The following PLEKHG7 variants were observed in gnomAD, a reference collection of about 807,000 sequenced individuals.
PLEKHG7 encodes pleckstrin homology domain-containing family G member 7.
PLEKHG7 carries 77 observed loss-of-function variants against 85.2 expected under a neutral mutation model. That is an observed-to-expected ratio of 0.90 (90% CI 0.75 to 1.09). The LOEUF is 1.09. Ranked by LOEUF, PLEKHG7 falls within the 50% of genes least tolerant of loss-of-function variation. The pLI, the probability that PLEKHG7 is intolerant of heterozygous loss-of-function variation, is 0.00. For missense variants in PLEKHG7, 777 were observed against 804.3 expected (o/e 0.97, Z 0.41); for synonymous variants, 301 against 302.4 (o/e 1.00, Z 0.05).
intron 3 of PLEKHG7, among the ~76,000 whole-genome samples, chr12:92,710,134 T>C (rs1283524159): frequency 6.6e-6 from 1 of 152,168 alleles, no homozygotes; most frequent in Non-Finnish European, 1.5e-5. Flanking sequence ...GGGGTGATGA[T>C]GAGTAGTGCC....
At chr12:92,752,320 A>G (rs1027748443) in intron 10 of PLEKHG7, among the ~76,000 whole-genome samples, 5 of 152,198 alleles carry the variant, frequency 3.3e-5, no homozygotes, top group Admixed American at 6.5e-5. Flanking sequence ...GAGGGGGTTT[A>G]CAGCAGAAAC....
At chr12:92,727,081 A>C (rs1871837490) in intron 3 of PLEKHG7, among the ~76,000 whole-genome samples, 1 of 152,154 alleles carries the variant, frequency 6.6e-6, no homozygotes, top group Non-Finnish European at 1.5e-5. Flanking sequence ...ATAAACAGCA[A>C]GTAAGGCTGG....
At chr12:92,710,608 T>C (rs1298713937) in intron 3 of PLEKHG7, among the ~76,000 whole-genome samples, 1 of 152,214 alleles carries the variant, frequency 6.6e-6, no homozygotes. Flanking sequence ...AAGTTCAGTA[T>C]AATCAACCTG....
At chr12:92,727,430 C>G (rs1389020339) in intron 3 of PLEKHG7, among the ~76,000 whole-genome samples, 1 of 152,092 alleles carries the variant, frequency 6.6e-6, no homozygotes, top group South Asian at 2.1e-4. Context: ...CCCCTCCCCA[C>G]TTTTGGAGTC....
At chr12:92,720,139 T>C (rs1392022947) in intron 3 of PLEKHG7, among the ~76,000 whole-genome samples, 2 of 152,158 alleles carry the variant, frequency 1.3e-5, no homozygotes, top group Non-Finnish European at 2.9e-5. Context: ...CTTTCCATTC[T>C]GGAAATCAGA....
Position 92,769,709 on chromosome 12 carries a change from T to G in PLEKHG7, c.1969-379T>G, listed in dbSNP as rs903088635. 2.0e-5 allele frequency among the ~76,000 whole-genome samples: 3 copies of G among 152,234 alleles called. 1 individual carries two copies. Among genetic ancestry groups the G allele is most frequent in the Admixed American group, 1.3e-4 (2 of 15,286 alleles). Reference sequence around the variant, plus strand: ...ATTTCCTGGGTCACTGCCCTCAGTCTCTTTCAAGTTATACTACAGGTTAAG... The same window carrying G: ...ATTTCCTGGGTCACTGCCCTCAGTCGCTTTCAAGTTATACTACAGGTTAAG... On this transcript the variant is annotated intron_variant, in intron 16 of 16. Transcript: ENST00000344636.
chr12:92,707,271 C>T (rs1871264952), intron 2 of PLEKHG7, 133 bp downstream of exon 2: 12 of 1,440,336 alleles, frequency 8.3e-6, no homozygotes, highest in Non-Finnish European at 1.1e-5. Context: ...ACTGAGGGGA[C>T]ACATTCTCTT....
At position 92,747,930 on chromosome 12, in the gene PLEKHG7, G is replaced by T. The variant is rs118022344; in HGVS notation, c.1251+2339G>T. Among the ~76,000 whole-genome samples the T allele has an allele frequency of 9.4e-4, 143 of 152,304 alleles. 4 individuals carry two copies. The East Asian group carries it at 0.025, about 26-fold the overall frequency. On this transcript the variant is annotated intron_variant, in intron 10 of 16. Coordinates refer to ENST00000344636, the MANE Select transcript of PLEKHG7 (RefSeq NM_001377329.1). ...GGGATGAAGAGAGGTCGGTTGATGG[G>T]TGCAAACATACAGTTATAGAAGGAG...
Position 92,707,671 on chromosome 12 carries a change from A to G in PLEKHG7, c.529A>G (p.Arg177Gly), listed in dbSNP as rs934205015. Reference protein sequence around the residue: ...SPQGEELHPSRFYEHRRSSVV... With the variant: ...SPQGEELHPSGFYEHRRSSVV... ...TCAGGGAGAAGAATTGCACCCATCC[A>G]GGTGTGTATGCATTTATTTTCTCCG... The change falls in exon 3 of 17, where the codon AGG becomes GGG. Residue 177 changes from arginine to glycine, a missense_variant and splice_region_variant. Coordinates refer to ENST00000344636, the MANE Select transcript of PLEKHG7 (RefSeq NM_001377329.1). 6.2e-7 allele frequency: 1 copy of G among 1,613,976 alleles called. No individual in the cohort carries two copies. The highest frequency in any genetic ancestry group is 8.5e-7 in the Non-Finnish European group (1 of 1,179,924).
At chr12:92,711,627 A>G (rs1871368485) in intron 3 of PLEKHG7, among the ~76,000 whole-genome samples, 1 of 152,196 alleles carries the variant, frequency 6.6e-6, no homozygotes. Flanking sequence ...GTCTCTCAAA[A>G]GGAGAGTAGT....
At chr12:92,747,451 A>T (rs982514721) in intron 10 of PLEKHG7, among the ~76,000 whole-genome samples, 2 of 152,232 alleles carry the variant, frequency 1.3e-5, no homozygotes, top group Non-Finnish European at 2.9e-5. Context: ...ACTTTTGTAC[A>T]CTGTTGGCAG....
Position 92,707,670 on chromosome 12 carries a change from C to T in PLEKHG7, c.528C>T (p.Ser176=). The change falls in exon 3 of 17, where the codon TCC becomes TCT. Residue 176 remains serine (S), a splice_region_variant and synonymous_variant. Coordinates refer to ENST00000344636, the MANE Select transcript of PLEKHG7 (RefSeq NM_001377329.1). Reference sequence around the variant, plus strand: ...TTCAGGGAGAAGAATTGCACCCATCCAGGTGTGTATGCATTTATTTTCTCC... The same window carrying T: ...TTCAGGGAGAAGAATTGCACCCATCTAGGTGTGTATGCATTTATTTTCTCC... ...PSPQGEELHP[S]RFYEHRRSSV... 1 of 1,613,882 alleles carries T rather than the reference C, an allele frequency of 6.2e-7. No homozygotes were observed. Among genetic ancestry groups the T allele is most frequent in the Non-Finnish European group, 8.5e-7 (1 of 1,179,896 alleles).
intron 7 of PLEKHG7, among the ~76,000 whole-genome samples, chr12:92,737,785 A>G (rs1364655476): frequency 6.6e-6 from 1 of 151,042 alleles, no homozygotes; most frequent in Non-Finnish European, 1.5e-5. Flanking sequence ...AAGAGAGGGA[A>G]CGGGAGGCCA....
intron 3 of PLEKHG7, among the ~76,000 whole-genome samples, chr12:92,710,677 G>T (rs1871351230): frequency 6.6e-6 from 1 of 152,186 alleles, no homozygotes; most frequent in Non-Finnish European, 1.5e-5. Context: ...GCTCAGTGTT[G>T]ATCTATGCTG....
At chr12:92,720,858 C>G (rs577065669) in intron 3 of PLEKHG7, among the ~76,000 whole-genome samples, 8 of 152,224 alleles carry the variant, frequency 5.3e-5, no homozygotes, top group African/African-American at 1.9e-4. Context: ...GCCATCATCA[C>G]ATCATTTTAA....
chr12:92,747,588 C>G (rs1176627695), intron 10 of PLEKHG7, among the ~76,000 whole-genome samples: 1 of 152,188 alleles, frequency 6.6e-6, no homozygotes, highest in Admixed American at 6.5e-5. Context: ...ATCAGTGTAT[C>G]AAAGGAATAC....
At chr12:92,766,658 C>T (rs1034423892) in intron 15 of PLEKHG7, among the ~76,000 whole-genome samples, 2 of 151,912 alleles carry the variant, frequency 1.3e-5, no homozygotes, top group Non-Finnish European at 2.9e-5. Context: ...GCCTGGTCAA[C>T]GTGGTGAAAA....
rs550035325 is a variant in PLEKHG7 at position 92,766,510 on chromosome 12, CTATT to C, written c.1870+2318_1870+2321del. Among the ~76,000 whole-genome samples, 201 of 152,028 alleles carry C rather than the reference CTATT, an allele frequency of 1.3e-3. 1 individual carries two copies. The highest frequency in any genetic ancestry group is 5.4e-4 in the Non-Finnish European group (37 of 67,952). ...TTGAAAGATGCATGTTTTTTCTCCT[CTATT>C]TCTTTTTTTTTTTAATTAAAAGATC... On this transcript the variant is annotated intron_variant, in intron 15 of 16. Coordinates refer to ENST00000344636, the MANE Select transcript of PLEKHG7 (RefSeq NM_001377329.1).
chr12:92,740,745 T>C (rs1872329431), intron 7 of PLEKHG7, 108 bp from the exon 8 acceptor site: 4 of 699,794 alleles, frequency 5.7e-6, no homozygotes, highest in Non-Finnish European at 9.8e-6. Context: ...GATTTCTCCA[T>C]TGTTTTGTAA....
Sources: gnomAD v4.1 joint callset for allele counts (sites outside exome capture counted in the v4.1 genomes callset) on GRCh38, gnomAD v4.1.1 for gene constraint, MANE v1.5 for transcripts, NCBI Gene and HGNC (gene_info 2026-07-23, HGNC 2026-07-21) for gene names.